Variants in ARMC2 observed in about 807,000 individuals in gnomAD.
ARMC2 encodes armadillo repeat-containing protein 2.
ARMC2 carries 67 observed loss-of-function variants against 90.3 expected under a neutral mutation model. The observed-to-expected ratio is 0.74, with a 90% CI of 0.61 to 0.91. The LOEUF (loss-of-function observed/expected upper bound fraction) is 0.91. ARMC2 is among the 40% of genes least tolerant of loss of function. The pLI, the probability that ARMC2 is intolerant of heterozygous loss-of-function variation, is 0.00. For missense variants in ARMC2, 920 were observed against 1,030.9 expected, an observed-to-expected ratio of 0.89 and a Z score of 1.47; for synonymous variants, 393 against 393.0, an observed-to-expected ratio of 1.00 and a Z score of 0.00.
chr6:109,040,777 TG>T, the ARMC2 span, among the ~76,000 whole-genome samples: 1 of 151,592 alleles, frequency 6.6e-6, no homozygotes, highest in Admixed American at 6.6e-5. Flanking sequence ...CTCAGCCTCC[TG>T]AGTAGCTGGA....
In ARMC2 at chr6:108,964,296, G is replaced by T; in HGVS notation, c.2269G>T (p.Gly757Ter). The change falls in exon 16 of 18, where the codon GGA becomes TGA. Residue 757 changes from glycine to a stop codon, truncating the protein, a stop_gained. Coordinates refer to ENST00000392644, the MANE Select transcript of ARMC2 (RefSeq NM_032131.6). LOFTEE classifies it high-confidence loss of function. Reference protein sequence around the residue: ...DKDKRVILKEGGGIKKLVDCL... With the variant: ...DKDKRVILKE ...AGACAAGCGTGTCATCTTGAAAGAA[G>T]GAGGTGGCATTAAAAAGTAAGTTTC... The T allele has an allele frequency of 6.2e-7, 1 of 1,613,918 alleles. No homozygotes were observed. The highest frequency in any genetic ancestry group is 8.5e-7 in the Non-Finnish European group (1 of 1,179,872).
the ARMC2 span, among the ~76,000 whole-genome samples, chr6:108,982,963 T>G: frequency 1.4e-4 from 21 of 152,030 alleles, no homozygotes; most frequent in African/African-American, 4.8e-4. Flanking sequence ...CCCAGTGGGT[T>G]ACCGGTGCAC....
chr6:108,968,417 A>G (rs1778526926), intron 17 of ARMC2, among the ~76,000 whole-genome samples: 1 of 152,240 alleles, frequency 6.6e-6, no homozygotes, highest in African/African-American at 2.4e-5. Context: ...CATGGATAAC[A>G]GCAAATAAAC....
Position 108,910,935 on chromosome 6 carries a change from A to C in ARMC2, c.1060A>C (p.Lys354Gln), listed in dbSNP as rs1050198013. The change falls in exon 9 of 18, where the codon AAA becomes CAA. Residue 354 changes from lysine (K) to glutamine (Q), a missense_variant. Lys to Gln is a moderately conservative substitution (Grantham distance 53). Coordinates refer to ENST00000392644, the MANE Select transcript of ARMC2 (RefSeq NM_032131.6). ...VSRKNLLNVCKLIFKISRNEK... is the reference protein window; with the variant it reads ...VSRKNLLNVCQLIFKISRNEK... ...TAGAAAGAATCTTCTTAATGTCTGC[A>C]AACTTATATTTAAAATTAGCAGGAA... is the stretch of plus-strand genomic sequence containing the variant. The C allele has an allele frequency of 1.3e-6, 2 of 1,580,886 alleles. No homozygotes were observed. Among genetic ancestry groups the C allele is most frequent in the Non-Finnish European group, 1.7e-6 (2 of 1,162,528 alleles).
At chr6:109,043,177 AAC>A in the ARMC2 span, among the ~76,000 whole-genome samples, 1 of 152,154 alleles carries the variant, frequency 6.6e-6, no homozygotes, top group Non-Finnish European at 1.5e-5. Flanking sequence ...GAAAAATAAG[AAC>A]AGAGTGGGAG....
chr6:108,928,623 C>T (rs1017014427), intron 11 of ARMC2, among the ~76,000 whole-genome samples: 10 of 152,172 alleles, frequency 6.6e-5, no homozygotes, highest in Non-Finnish European at 1.3e-4. Flanking sequence ...CTTAGAAAGT[C>T]TGATGTGACT....
At chr6:108,884,924 C>T (rs968881002) in intron 5 of ARMC2, among the ~76,000 whole-genome samples, 6 of 152,180 alleles carry the variant, frequency 3.9e-5, no homozygotes, top group African/African-American at 1.4e-4. Flanking sequence ...CCCTGCATGG[C>T]ACTGGTTAAC....
At chr6:108,898,010 C>T (rs550269286) in intron 6 of ARMC2, among the ~76,000 whole-genome samples, 3 of 152,090 alleles carry the variant, frequency 2.0e-5, no homozygotes, top group Non-Finnish European at 2.9e-5. Context: ...TACAGAAGAG[C>T]GCATAAAAGA....
chr6:108,970,939 C>G (rs1286822358), intron 17 of ARMC2, among the ~76,000 whole-genome samples: 1 of 152,066 alleles, frequency 6.6e-6, no homozygotes, highest in East Asian at 1.9e-4. Flanking sequence ...TGTGAAATCA[C>G]TGGCTGGGCG....
In ARMC2 at chr6:108,890,217, A is replaced by ACAAACAAACAAAC. The variant is rs1287262219; in HGVS notation, c.672-4250_672-4249insCAAACAAACAAAC. Among the ~76,000 whole-genome samples the ACAAACAAACAAAC allele has an allele frequency of 3.5e-4, 40 of 112,990 alleles. 1 individual carries two copies. Among genetic ancestry groups the ACAAACAAACAAAC allele is most frequent in the East Asian group, 1.5e-3 (6 of 3,906 alleles). 74.1% of individuals were successfully genotyped at this position (112,990 alleles called of 152,430 possible). On this transcript the variant is annotated intron_variant, in intron 5 of 17. Transcript: ENST00000392644. ...AAAAAAAAAAAAAAAAAAAAAAAAAAAAAAAAAAAAAACAGTGGTTTCTTA... is the reference window on the plus strand; with the variant it reads ...AAAAAAAAAAAAAAAAAAAAAAAAAACAAACAAACAAACAAAAAAAAAAAACAGTGGTTTCTTA...
the ARMC2 span, among the ~76,000 whole-genome samples, chr6:108,986,078 T>TATC: frequency 1.3e-5 from 2 of 152,092 alleles, no homozygotes; most frequent in African/African-American, 4.8e-5. Context: ...CTAACAGAGT[T>TATC]ATCATCACAA....
At chr6:108,873,461 G>A (rs1776629938) in intron 4 of ARMC2, among the ~76,000 whole-genome samples, 1 of 152,072 alleles carries the variant, frequency 6.6e-6, no homozygotes, top group African/African-American at 2.4e-5. Context: ...CCTCACGGTG[G>A]GTGCACCGGC....
At chr6:108,853,284 A>G in intron 1 of ARMC2, among the ~76,000 whole-genome samples, 1 of 152,224 alleles carries the variant, frequency 6.6e-6, no homozygotes, top group East Asian at 1.9e-4. Context: ...TAGAATCATA[A>G]TATAGTAAAT....
chr6:109,011,843 G>A, the ARMC2 span, among the ~76,000 whole-genome samples: 1,522 of 151,804 alleles, frequency 0.01, 34 homozygotes, highest in African/African-American at 0.035. Context: ...TGTCTAGGCT[G>A]GTCTCAAATT....
At chr6:108,950,900 C>T (rs187879530) in intron 12 of ARMC2, among the ~76,000 whole-genome samples, 1 of 152,314 alleles carries the variant, frequency 6.6e-6, no homozygotes. Context: ...TCTGCTGAAC[C>T]TGACACTGTT....
At chr6:108,997,076 G>T in the ARMC2 span, among the ~76,000 whole-genome samples, 14,939 of 152,132 alleles carry the variant, frequency 0.098, 891 homozygotes, top group Middle Eastern at 0.19. Context: ...TGTATCTGAA[G>T]AGCTGAGTCA....
At chr6:108,976,187 T>C (rs1431300519), downstream of ARMC2, among the ~76,000 whole-genome samples, 3 of 152,222 alleles carry the variant, frequency 2.0e-5, no homozygotes, top group African/African-American at 7.2e-5. Context: ...TTGTATAAAG[T>C]GTAAGGAAGG....
At chr6:109,027,213 C>G in the ARMC2 span, among the ~76,000 whole-genome samples, 1 of 152,010 alleles carries the variant, frequency 6.6e-6, no homozygotes, top group East Asian at 1.9e-4. Context: ...TGGCTCACGC[C>G]TGTAATCCCA....
At chr6:108,897,424 G>A (rs1248416599) in intron 6 of ARMC2, among the ~76,000 whole-genome samples, 1 of 152,028 alleles carries the variant, frequency 6.6e-6, no homozygotes, top group Non-Finnish European at 1.5e-5. Flanking sequence ...TCTTGCATTG[G>A]GTTAGATAGA....
Sources: allele counts gnomAD v4.1 joint callset (sites outside exome capture counted in the v4.1 genomes callset), GRCh38; gene constraint gnomAD v4.1.1; transcripts MANE v1.5; gene names NCBI Gene and HGNC (gene_info 2026-07-23, HGNC 2026-07-21).